RIOX2: variants seen among roughly 807,000 people sequenced by gnomAD.
RIOX2 encodes ribosomal oxygenase 2.
In RIOX2, 43 loss-of-function variants were observed where a neutral mutation model predicts 51.2. The observed-to-expected ratio is 0.84, with a 90% CI of 0.66 to 1.08. The LOEUF (loss-of-function observed/expected upper bound fraction) is 1.08. RIOX2 is among the 50% of genes least tolerant of loss of function. RIOX2 has a pLI of 0.00. For synonymous variants in RIOX2, 226 were observed against 218.5 expected (o/e 1.03, Z -0.30); for missense variants, 566 against 561.7 (o/e 1.01, Z -0.08).
At chr3:97,964,501 C>T (rs960721203) in intron 2 of RIOX2, among the ~76,000 whole-genome samples, 6 of 151,252 alleles carry the variant, frequency 4.0e-5, no homozygotes, top group Non-Finnish European at 7.4e-5. Flanking sequence ...CCAGCCTGGC[C>T]AACATGGTGA....
Position 97,945,295 on chromosome 3 carries a change from T to C in RIOX2, c.1287A>G (p.Gln429=). ...FPLSHLDALK[Q]IWNSPAISVK... is the part of the protein sequence containing the mutation. ...CAGAAATAGCTGGACTATTCCAAAT[T>C]TGCTTCAGTGCATCCAAATGTGACA... The change falls in exon 10 of 10, where the codon CAA becomes CAG. Residue 429 remains glutamine, a synonymous_variant. Transcript: ENST00000394198. 6.2e-7 allele frequency: 1 copy of C among 1,612,432 alleles called. No individual in the cohort carries two copies. Among genetic ancestry groups the C allele is most frequent in the Non-Finnish European group, 8.5e-7 (1 of 1,178,928 alleles).
At chr3:97,965,199 T>G (rs1216136623) in intron 2 of RIOX2, among the ~76,000 whole-genome samples, 1 of 93,688 alleles carries the variant, frequency 1.1e-5, no homozygotes, top group Non-Finnish European at 2.0e-5. Context: ...GCACGGGTGG[T>G]ACAAAGAGAT....
chr3:97,948,955 G>A (rs1559756216), intron 7 of RIOX2, among the ~76,000 whole-genome samples: 1 of 152,108 alleles, frequency 6.6e-6, no homozygotes, highest in Non-Finnish European at 1.5e-5. Context: ...CCAAAAGTAT[G>A]TTATATCATT....
At position 97,950,815 on chromosome 3, in the gene RIOX2, G is replaced by A. The variant is rs140917543; in HGVS notation, c.859C>T (p.Arg287Trp). 123 of 1,613,464 alleles carry A rather than the reference G, an allele frequency of 7.6e-5. No homozygotes were observed. Among genetic ancestry groups the A allele is most frequent in the Middle Eastern group, 1.6e-4 (1 of 6,080 alleles). The change falls in exon 6 of 10, where the codon CGG (arginine) becomes TGG (tryptophan). Residue 287 changes from arginine (R) to tryptophan (W), a missense_variant. Transcript: ENST00000394198. ...AGCAGCTGCCGGGGTATGCCGGTCC[G>A]TAACTCCACGTCTTCCTTTGCAGTA... is the stretch of plus-strand genomic sequence containing the variant. Reference protein sequence around the residue: ...FDTAKEDVELRTGIPRQLLLQ... With the variant: ...FDTAKEDVELWTGIPRQLLLQ...
At chr3:97,949,429 C>T (rs1246829693) in intron 7 of RIOX2, among the ~76,000 whole-genome samples, 1 of 152,160 alleles carries the variant, frequency 6.6e-6, no homozygotes, top group Non-Finnish European at 1.5e-5. Context: ...AAATAAACTT[C>T]TTTTCTATAT....
chr3:97,968,758 T>G (rs747689677), intron 1 of RIOX2, among the ~76,000 whole-genome samples: 2 of 152,224 alleles, frequency 1.3e-5, no homozygotes, highest in Non-Finnish European at 2.9e-5. Context: ...TCCATCACTT[T>G]CAACAGATTC....
chr3:97,967,146 T>A lies in RIOX2; in HGVS notation c.432+16A>T. On this transcript the variant is annotated intron_variant, in intron 2 of 9. Coordinates refer to ENST00000394198, the MANE Select transcript of RIOX2 (RefSeq NM_153182.4). Reference sequence around the variant, plus strand: ...TTTAAAATGTATGAGGATTCTGCAATGGGGAAACTGGTTACCTTAAATCTC... The same window carrying A: ...TTTAAAATGTATGAGGATTCTGCAAAGGGGAAACTGGTTACCTTAAATCTC... 6.2e-7 allele frequency: 1 copy of A among 1,606,166 alleles called. No homozygotes were observed.
chr3:97,950,835 G>A lies in RIOX2; in HGVS notation c.839C>T (p.Ala280Val). 1 of 1,613,610 alleles carries A rather than the reference G, an allele frequency of 6.2e-7. No individual in the cohort carries two copies. Among genetic ancestry groups the A allele is most frequent in the Non-Finnish European group, 8.5e-7 (1 of 1,179,776 alleles). ...GGTCCGTAACTCCACGTCTTCCTTT[G>A]CAGTATCAAATACAAGCCCCGAGAT... ...DTISGLVFDT[A>V]KEDVELRTGI... is the part of the protein sequence containing the mutation. Residue 280 changes from alanine (A) to valine (V), a missense_variant, in exon 6 of 10, where the codon GCA (alanine) becomes GTA (valine). Coordinates refer to ENST00000394198, the MANE Select transcript of RIOX2 (RefSeq NM_153182.4).
chr3:97,952,798 C>G (rs1314067064), intron 5 of RIOX2, among the ~76,000 whole-genome samples: 4 of 152,108 alleles, frequency 2.6e-5, no homozygotes, highest in Non-Finnish European at 5.9e-5. Flanking sequence ...CTTGAGCTGG[C>G]TTTGGTGACT....
At position 97,967,143 on chromosome 3, in the gene RIOX2, C is replaced by A; in HGVS notation, c.432+19G>T. The A allele has an allele frequency of 6.2e-7, 1 of 1,603,892 alleles. No homozygotes were observed. The highest frequency in any genetic ancestry group is 8.5e-7 in the Non-Finnish European group (1 of 1,174,956). Reference sequence around the variant, plus strand: ...TACTTTAAAATGTATGAGGATTCTGCAATGGGGAAACTGGTTACCTTAAAT... The same window carrying A: ...TACTTTAAAATGTATGAGGATTCTGAAATGGGGAAACTGGTTACCTTAAAT... On this transcript the variant is annotated intron_variant, in intron 2 of 9. Transcript: ENST00000394198.
Position 97,945,197 on chromosome 3 carries a change from A to G in RIOX2, c.1385T>C (p.Ile462Thr). ...TCTGCAAAGGCACTAGACTACTTGA[A>G]TTAAACATTCTGTCCAGAGGGATAA... ...LVLSLWTECL[I>T]QVV is the part of the protein sequence containing the mutation. Residue 462 changes from isoleucine (I) to threonine (T), a missense_variant, in exon 10 of 10, where the codon ATT (isoleucine) becomes ACT (threonine). Transcript: ENST00000394198. 1 of 1,609,878 alleles carries G rather than the reference A, an allele frequency of 6.2e-7. No homozygotes were observed. The highest frequency in any genetic ancestry group is 8.5e-7 in the Non-Finnish European group (1 of 1,178,140).
At position 97,945,355 on chromosome 3, in the gene RIOX2, A is replaced by C; in HGVS notation, c.1240-13T>G. On this transcript the variant is annotated splice_polypyrimidine_tract_variant and intron_variant, in intron 9 of 9. Transcript: ENST00000394198. The stretch of plus-strand genomic sequence containing the variant: ...GAAGTCCATGAAACTGAAAGGATAA[A>C]TTTATTTGTCAAAATATATGTATAC... The C allele has an allele frequency of 6.2e-7, 1 of 1,605,106 alleles. No individual in the cohort carries two copies. Among genetic ancestry groups the C allele is most frequent in the Non-Finnish European group, 8.5e-7 (1 of 1,176,154 alleles).
intron 2 of RIOX2, among the ~76,000 whole-genome samples, chr3:97,962,371 C>CGA: frequency 8.4e-6 from 1 of 118,434 alleles, no homozygotes; most frequent in Non-Finnish European, 1.7e-5. Context: ...CCCCCCCCCC[C>CGA]CCACATGGAG....
At chr3:97,964,745 G>T (rs1473772924) in intron 2 of RIOX2, among the ~76,000 whole-genome samples, 2 of 139,856 alleles carry the variant, frequency 1.4e-5, no homozygotes, top group African/African-American at 2.6e-5. Flanking sequence ...AAAAGAAAAT[G>T]GAACAAAAGC....
intron 1 of RIOX2, among the ~76,000 whole-genome samples, chr3:97,970,402 T>A (rs1176960659): frequency 1.3e-5 from 2 of 152,232 alleles, no homozygotes; most frequent in Admixed American, 1.3e-4. Context: ...TTTCTCTGAT[T>A]CTCACACTAC....
chr3:97,942,588 GT>G lies in RIOX2; in HGVS notation c.*2595del. Reference sequence around the variant, plus strand: ...TGCTTGAAGAAAATTAAGATAGGCAGTTTTACAAACAAAACAATTAGCAGAA... The same window carrying G: ...TGCTTGAAGAAAATTAAGATAGGCAGTTTACAAACAAAACAATTAGCAGAA... On this transcript the variant is annotated 3_prime_UTR_variant, in exon 10 of 10. Coordinates refer to ENST00000394198, the MANE Select transcript of RIOX2 (RefSeq NM_153182.4). The G allele has an allele frequency of 2.7e-6, 2 of 752,392 alleles. No individual in the cohort carries two copies. Among genetic ancestry groups the G allele is most frequent in the Non-Finnish European group, 4.1e-6 (2 of 490,420 alleles). 46.6% of individuals were successfully genotyped at this position (752,392 alleles called of 1,614,324 possible). A position where few individuals can be genotyped will look rare whatever the true frequency, so the allele number is the denominator to read the frequency against.
At chr3:97,964,598 A>G (rs832085) in intron 2 of RIOX2, among the ~76,000 whole-genome samples, 37,214 of 150,212 alleles carry the variant, frequency 0.25, 5,243 homozygotes, top group African/African-American at 0.4. Context: ...CAGGAGGTCC[A>G]AGGCAGGAGA....
rs10644219 is a variant in RIOX2 at position 97,965,210 on chromosome 3, TA to T, written c.432+1951del. Among the ~76,000 whole-genome samples, 88 of 114,866 alleles carry T rather than the reference TA, an allele frequency of 7.7e-4. 1 individual carries two copies. The highest frequency in any genetic ancestry group is 5.1e-3 in the Middle Eastern group (1 of 196). 75.4% of individuals were successfully genotyped at this position (114,866 alleles called of 152,430 possible). Reference sequence around the variant, plus strand: ...TCCAGCACGGGTGGTACAAAGAGATTAAAAAAAAAAAAAAAAAAAGGCCCAG... The same window carrying T: ...TCCAGCACGGGTGGTACAAAGAGATTAAAAAAAAAAAAAAAAAAGGCCCAG... On this transcript the variant is annotated intron_variant, in intron 2 of 9. Transcript: ENST00000394198.
intron 9 of RIOX2, chr3:97,945,593 G>A (rs2040335880): frequency 4.9e-6 from 3 of 609,760 alleles, no homozygotes; most frequent in African/African-American, 1.9e-5. Context: ...ACAGGTCCCA[G>A]CTAGTATGTC....
Sources: gnomAD v4.1 joint callset for allele counts (sites outside exome capture counted in the v4.1 genomes callset) on GRCh38, gnomAD v4.1.1 for gene constraint, MANE v1.5 for transcripts, NCBI Gene and HGNC (gene_info 2026-07-23, HGNC 2026-07-21) for gene names.